The following KDM2B variants were observed in gnomAD, a reference collection of about 807,000 sequenced individuals.
KDM2B encodes the protein lysine demethylase 2B, also known as lysine-specific demethylase 2B.
KDM2B carries 26 observed loss-of-function variants against 150.0 expected under a neutral mutation model. The ratio of observed to expected loss-of-function variants is 0.17; its 90% CI spans 0.13 to 0.24. KDM2B has a LOEUF of 0.24. KDM2B is among the 10% of genes least tolerant of loss of function. The pLI, the probability that KDM2B is intolerant of heterozygous loss-of-function variation, is 1.00. For missense variants in KDM2B, 1,265 were observed against 1,816.9 expected (o/e 0.70, Z 5.52); for synonymous variants, 734 against 729.5 (o/e 1.01, Z -0.10).
At chr12:121,480,226 G>C (rs1881940869) in intron 12 of KDM2B, among the ~76,000 whole-genome samples, 1 of 148,820 alleles carries the variant, frequency 6.7e-6, no homozygotes, top group Non-Finnish European at 1.5e-5. Context: ...ACTGAATAAT[G>C]GGATATCAGA....
At chr12:121,501,169 G>A (rs1884507718) in intron 11 of KDM2B, among the ~76,000 whole-genome samples, 1 of 151,992 alleles carries the variant, frequency 6.6e-6, no homozygotes, top group African/African-American at 2.4e-5. Flanking sequence ...AATGTCAAGT[G>A]TCTTTATAAT....
chr12:121,513,426 C>A lies in KDM2B; in HGVS notation c.1048-24G>T. 6.2e-7 allele frequency: 1 copy of A among 1,605,236 alleles called. No individual in the cohort carries two copies. The highest frequency in any genetic ancestry group is 1.7e-4 in the Middle Eastern group (1 of 6,028). On this transcript the variant is annotated intron_variant, in intron 9 of 22. Coordinates refer to ENST00000377071, the MANE Select transcript of KDM2B (RefSeq NM_032590.5). This position sits in a 1 kb window ranked among gnomAD's most constrained non-coding sequence, Gnocchi z 5.0. ...ACCTGAAAGCAAAGACGCAGGCAGG[C>A]AGAGGTCAGTTTCCAGAGGGCGAAG...
At chr12:121,538,022 CCGAGCCCCCTCCACGGCGCTG>C (rs1451030698) in intron 6 of KDM2B, among the ~76,000 whole-genome samples, 1 of 150,792 alleles carries the variant, frequency 6.6e-6, no homozygotes, top group Non-Finnish European at 1.5e-5. Context: ...GCAACGCGAG[CCGAGCCCCCTCCACGGCGCTG>C]CCAGGCCCCG....
chr12:121,438,148 G>C (rs1160235005), intron 22 of KDM2B, among the ~76,000 whole-genome samples: 1 of 151,780 alleles, frequency 6.6e-6, no homozygotes, highest in African/African-American at 2.4e-5. Flanking sequence ...CAGCTACTCG[G>C]GAGACTGAGG....
At position 121,453,438 on chromosome 12, in the gene KDM2B, A is replaced by G; in HGVS notation, c.1735-94T>C. 3.3e-6 allele frequency: 3 copies of G among 913,980 alleles called. No homozygotes were observed. Among genetic ancestry groups the G allele is most frequent in the Non-Finnish European group, 4.9e-6 (3 of 611,054 alleles). The allele number at this position is 913,980 out of a possible 1,614,324, so 56.6% of individuals were successfully genotyped here. ...GTTAGGGAGCAAACTGTGTACCCCC[A>G]GAAAGACACGATGGGGGCTCTAAAC... is the stretch of plus-strand genomic sequence containing the variant. On this transcript the variant is annotated intron_variant, in intron 12 of 22. Transcript: ENST00000377071. The surrounding 1 kb of genome is among the most constrained non-coding windows in gnomAD (Gnocchi z 6.4).
chr12:121,423,523 T>C, the KDM2B span: 1 of 1,614,172 alleles, frequency 6.2e-7, no homozygotes, highest in East Asian at 2.2e-5. This position sits in a 1 kb window ranked among gnomAD's most constrained non-coding sequence, Gnocchi z 4.3. Context: ...CATGAGTGAG[T>C]GTCCCATCTG....
intron 6 of KDM2B, among the ~76,000 whole-genome samples, chr12:121,536,841 CG>C (rs1405064599): frequency 2.0e-5 from 3 of 152,146 alleles, no homozygotes; most frequent in Non-Finnish European, 4.4e-5. Flanking sequence ...GACAGGAGCT[CG>C]CCTCTTGGGC....
At chr12:121,576,108 G>T (rs1186924159) in intron 2 of KDM2B, among the ~76,000 whole-genome samples, 1 of 152,138 alleles carries the variant, frequency 6.6e-6, no homozygotes, top group Admixed American at 6.6e-5. Context: ...TGCCCCACCG[G>T]TCCAAACTTG....
At chr12:121,502,743 G>A (rs1490171218) in intron 11 of KDM2B, among the ~76,000 whole-genome samples, 5 of 128,480 alleles carry the variant, frequency 3.9e-5, no homozygotes, top group African/African-American at 8.9e-5. Context: ...GCAGCAGAGC[G>A]AGACCCCCAT....
chr12:121,500,532 T>C (rs371248373), intron 11 of KDM2B, among the ~76,000 whole-genome samples: 4 of 152,354 alleles, frequency 2.6e-5, no homozygotes, highest in East Asian at 1.9e-4. Flanking sequence ...GGGGCTTTAA[T>C]AATCAGAAAC....
intron 13 of KDM2B, among the ~76,000 whole-genome samples, chr12:121,445,857 G>A (rs982468408): frequency 4.6e-5 from 7 of 152,160 alleles, no homozygotes; most frequent in African/African-American, 7.2e-5. Flanking sequence ...AGATCCATGC[G>A]GATGAGATGA....
intron 12 of KDM2B, among the ~76,000 whole-genome samples, chr12:121,490,606 T>A (rs782538101): frequency 3.9e-5 from 6 of 152,154 alleles, no homozygotes; most frequent in Non-Finnish European, 7.4e-5. Flanking sequence ...GCTCCGTTCC[T>A]TCACCCAGCC....
At chr12:121,573,749 G>C (rs1441464630) in intron 4 of KDM2B, among the ~76,000 whole-genome samples, 1 of 152,048 alleles carries the variant, frequency 6.6e-6, no homozygotes, top group Non-Finnish European at 1.5e-5. Context: ...CACCACGCCT[G>C]GCTAATTTTT....
At chr12:121,490,573 G>A (rs545322845) in intron 12 of KDM2B, among the ~76,000 whole-genome samples, 2 of 152,318 alleles carry the variant, frequency 1.3e-5, no homozygotes, top group South Asian at 4.1e-4. Flanking sequence ...TAAGGCCGAG[G>A]TCAGAGGCTG....
intron 12 of KDM2B, among the ~76,000 whole-genome samples, chr12:121,480,610 C>G (rs1317530224): frequency 7.0e-6 from 1 of 143,324 alleles, no homozygotes; most frequent in Non-Finnish European, 1.5e-5. Flanking sequence ...AAAAAAAAGC[C>G]CCACAAAAAA....
At chr12:121,508,321 A>G (rs370780119) in intron 11 of KDM2B, among the ~76,000 whole-genome samples, 1 of 152,156 alleles carries the variant, frequency 6.6e-6, no homozygotes, top group Admixed American at 6.5e-5. Flanking sequence ...TCCTGGCCTC[A>G]AATGATCCAT....
In KDM2B at chr12:121,548,948, G is replaced by A. The variant is rs1889276358; in HGVS notation, c.612C>T (p.Pro204=). 5 of 1,614,124 alleles carry A rather than the reference G, an allele frequency of 3.1e-6. No homozygotes were observed. The highest frequency in any genetic ancestry group is 4.2e-6 in the Non-Finnish European group (5 of 1,180,014). The change falls in exon 6 of 23, where the codon CCC becomes CCT. Residue 204 remains proline, a synonymous_variant. Coordinates refer to ENST00000377071, the MANE Select transcript of KDM2B (RefSeq NM_032590.5). ...DLVDWVDNMW[P]QHLKEKQTEA... ...CTGTCTGCTTCTCCTTCAGATGCTG[G>A]GGCCACATGTTGTCCACCCAGTCCA...
intron 6 of KDM2B, among the ~76,000 whole-genome samples, chr12:121,541,109 G>C (rs1888573344): frequency 6.6e-6 from 1 of 151,916 alleles, no homozygotes; most frequent in Non-Finnish European, 1.5e-5. Flanking sequence ...GCACATGCCT[G>C]TAATCCCAGC....
In KDM2B at chr12:121,444,541, G is replaced by C; in HGVS notation, c.2104-5C>G. ...CACACCCTCTGACTCCTTAATCTGC[G>C]GGGAACACCAGGACTCAGAAGAGGG... On this transcript the variant is annotated splice_region_variant and splice_polypyrimidine_tract_variant and intron_variant, in intron 14 of 22. Transcript: ENST00000377071. 6.2e-7 allele frequency: 1 copy of C among 1,613,560 alleles called. No homozygotes were observed. The highest frequency in any genetic ancestry group is 1.1e-5 in the South Asian group (1 of 91,070).
Sources: gnomAD v4.1 joint callset for allele counts (sites outside exome capture counted in the v4.1 genomes callset) on GRCh38, gnomAD v4.1.1 for gene constraint, Gnocchi (gnomAD v3.1) non-coding constraint, MANE v1.5 for transcripts, NCBI Gene and HGNC (gene_info 2026-07-23, HGNC 2026-07-21) for gene names.